UQCC1: variants seen among roughly 807,000 people sequenced by gnomAD.
UQCC1 encodes bFGF-repressed Zic-binding protein.
UQCC1 carries 38 observed loss-of-function variants against 48.0 expected under a neutral mutation model. The observed-to-expected ratio is 0.79, with a 90% CI of 0.61 to 1.04. The LOEUF (loss-of-function observed/expected upper bound fraction) is 1.04. UQCC1 is among the 50% of genes least tolerant of loss of function. The probability of loss-of-function intolerance (pLI) is 0.00; values close to 1 mark genes in which losing one functional copy is unlikely to be tolerated. For missense variants in UQCC1, 368 were observed against 381.8 expected, an observed-to-expected ratio of 0.96 and a Z score of 0.30; for synonymous variants, 111 against 129.2, an observed-to-expected ratio of 0.86 and a Z score of 0.95.
chr20:35,378,006 T>A (rs1252955328), intron 4 of UQCC1, among the ~76,000 whole-genome samples: 1 of 152,214 alleles, frequency 6.6e-6, no homozygotes, highest in Non-Finnish European at 1.5e-5. Context: ...CTCTAAAGAC[T>A]ATCACACAGA....
chr20:35,345,373 T>G (rs1010453858), intron 7 of UQCC1: 1 of 152,188 alleles, frequency 6.6e-6, no homozygotes, highest in Admixed American at 6.5e-5. Context: ...TGAATTGGGT[T>G]AGAGGACACC....
At chr20:35,339,735 A>C (rs996132840) in intron 7 of UQCC1, among the ~76,000 whole-genome samples, 1 of 152,162 alleles carries the variant, frequency 6.6e-6, no homozygotes, top group African/African-American at 2.4e-5. Context: ...AACTCATATA[A>C]GTTGTTTTGA....
At chr20:35,366,505 A>G in intron 6 of UQCC1, 52 bp downstream of exon 6, 1 of 1,522,732 alleles carries the variant, frequency 6.6e-7, no homozygotes, top group Non-Finnish European at 9.1e-7. Flanking sequence ...CTTACAAGTC[A>G]GCAGTGTTTA....
At chr20:35,396,774 G>T (rs2062084791) in intron 1 of UQCC1, among the ~76,000 whole-genome samples, 1 of 152,130 alleles carries the variant, frequency 6.6e-6, no homozygotes, top group African/African-American at 2.4e-5. Context: ...TAAATAAGAA[G>T]TCTGCTTTAT....
intron 7 of UQCC1, among the ~76,000 whole-genome samples, chr20:35,334,757 T>G (rs1043387343): frequency 6.6e-6 from 1 of 152,196 alleles, no homozygotes; most frequent in African/African-American, 2.4e-5. Context: ...AAACTTTGTT[T>G]GTGTCTGGGA....
At chr20:35,352,098 G>A (rs765663503) in intron 6 of UQCC1, among the ~76,000 whole-genome samples, 3 of 152,262 alleles carry the variant, frequency 2.0e-5, no homozygotes, top group Non-Finnish European at 4.4e-5. Context: ...TTTTGGCTGA[G>A]TAGAATCAGA....
At chr20:35,363,364 A>AT (rs1170801828) in intron 6 of UQCC1, among the ~76,000 whole-genome samples, 3 of 152,172 alleles carry the variant, frequency 2.0e-5, no homozygotes, top group Non-Finnish European at 4.4e-5. Context: ...CTCTCTCAGC[A>AT]TTTTTTCAGC....
At chr20:35,356,392 G>A (rs964805443) in intron 6 of UQCC1, among the ~76,000 whole-genome samples, 1 of 152,016 alleles carries the variant, frequency 6.6e-6, no homozygotes, top group Admixed American at 6.6e-5. Context: ...AATTCAACCA[G>A]TTAGTTTATC....
intron 2 of UQCC1, among the ~76,000 whole-genome samples, chr20:35,386,542 C>T (rs988538029): frequency 3.9e-5 from 6 of 152,192 alleles, no homozygotes; most frequent in Admixed American, 6.5e-5. Flanking sequence ...CTTTGTAAAA[C>T]ACAGACTAAA....
intron 7 of UQCC1, among the ~76,000 whole-genome samples, chr20:35,325,015 A>C (rs2061177053): frequency 6.6e-6 from 1 of 152,250 alleles, no homozygotes; most frequent in African/African-American, 2.4e-5. Flanking sequence ...AAAGGCATAA[A>C]ATTTTGATAT....
intron 8 of UQCC1, among the ~76,000 whole-genome samples, chr20:35,312,829 A>G (rs1417233610): frequency 6.6e-6 from 1 of 152,216 alleles, no homozygotes; most frequent in Non-Finnish European, 1.5e-5. Flanking sequence ...GATTCTACTT[A>G]TATGAATTAT....
At chr20:35,327,522 G>GT (rs1297424656) in intron 7 of UQCC1, among the ~76,000 whole-genome samples, 2 of 152,168 alleles carry the variant, frequency 1.3e-5, no homozygotes, top group Non-Finnish European at 2.9e-5. Flanking sequence ...CCTAGTCCAA[G>GT]TTTTTTTGTT....
intron 7 of UQCC1, among the ~76,000 whole-genome samples, chr20:35,338,779 A>G (rs925615559): frequency 7.4e-6 from 1 of 135,270 alleles, no homozygotes; most frequent in Non-Finnish European, 1.5e-5. Context: ...CGGGAGGTGG[A>G]GGTTGCAGTG....
At chr20:35,319,726 C>T (rs1369880275) in intron 7 of UQCC1, among the ~76,000 whole-genome samples, 2 of 152,150 alleles carry the variant, frequency 1.3e-5, no homozygotes, top group African/African-American at 4.8e-5. Flanking sequence ...ACAGAGAACA[C>T]AAGTAAGGCA....
In UQCC1 at chr20:35,347,159, C is replaced by T. The variant is rs2061439807; in HGVS notation, c.573+5G>A. On this transcript the variant is annotated splice_donor_5th_base_variant and intron_variant, in intron 7 of 9. Coordinates refer to ENST00000374385, the MANE Select transcript of UQCC1 (RefSeq NM_018244.5). ...CAGGACAAGCATCTGACAGCACTCA[C>T]TTACCCCCATGACTCTGCCGCGCTG... 4 of 1,614,208 alleles carry T rather than the reference C, an allele frequency of 2.5e-6. No individual in the cohort carries two copies. Among genetic ancestry groups the T allele is most frequent in the Non-Finnish European group, 3.4e-6 (4 of 1,180,032 alleles).
At chr20:35,362,270 A>G (rs530047365) in intron 6 of UQCC1, among the ~76,000 whole-genome samples, 116 of 152,360 alleles carry the variant, frequency 7.6e-4, no homozygotes, top group South Asian at 1.9e-3. Flanking sequence ...TAGTGATGGT[A>G]ATAGTGCCTA....
intron 7 of UQCC1, among the ~76,000 whole-genome samples, chr20:35,337,696 G>A (rs2061329734): frequency 6.6e-6 from 1 of 152,194 alleles, no homozygotes; most frequent in Non-Finnish European, 1.5e-5. Flanking sequence ...TCTTTCCTAA[G>A]TAAGAGTGGG....
intron 7 of UQCC1, among the ~76,000 whole-genome samples, chr20:35,341,218 C>CAAAAAAAAAAAAAAAA (rs61675932): frequency 8.6e-6 from 1 of 115,838 alleles, no homozygotes. Flanking sequence ...GAGACTCCGT[C>CAAAAAAAAAAAAAAAA]AAAAAAAAAA....
chr20:35,336,498 A>G (rs548013484), intron 7 of UQCC1, among the ~76,000 whole-genome samples: 1 of 152,326 alleles, frequency 6.6e-6, no homozygotes, highest in South Asian at 2.1e-4. Flanking sequence ...AAAAGGCAAC[A>G]TGACTACAGA....
Sources: allele counts gnomAD v4.1 joint callset (sites outside exome capture counted in the v4.1 genomes callset), GRCh38; gene constraint gnomAD v4.1.1; transcripts MANE v1.5; gene names NCBI Gene and HGNC (gene_info 2026-07-23, HGNC 2026-07-21).